SDK2: variants seen among roughly 807,000 people sequenced by gnomAD.
SDK2 encodes the protein sidekick cell adhesion molecule 2, also known as protein sidekick-2.
In SDK2, 105 loss-of-function variants were observed where a neutral mutation model predicts 253.9. That is an observed-to-expected ratio of 0.41 (90% CI 0.35 to 0.49). The LOEUF (loss-of-function observed/expected upper bound fraction) is 0.49. Among genes scored for constraint, SDK2 ranks in the 20% least tolerant of loss-of-function variants. The pLI, the probability that SDK2 is intolerant of heterozygous loss-of-function variation, is 0.06. For missense variants in SDK2, 2,608 were observed against 3,003.0 expected, an observed-to-expected ratio of 0.87 and a Z score of 3.07; for synonymous variants, 1,249 against 1,234.9, an observed-to-expected ratio of 1.01 and a Z score of -0.24.
At chr17:73,562,331 T>A (rs1010182815) in intron 1 of SDK2, among the ~76,000 whole-genome samples, 1 of 152,236 alleles carries the variant, frequency 6.6e-6, no homozygotes, top group Admixed American at 6.5e-5. Context: ...ATTTGCATTT[T>A]AAAAATATTA....
At position 73,398,047 on chromosome 17, in the gene SDK2, C is replaced by G. The variant is rs776711911; in HGVS notation, c.3342G>C (p.Trp1114Cys). The G allele has an allele frequency of 2.0e-5, 33 of 1,612,084 alleles. No homozygotes were observed. Among genetic ancestry groups the G allele is most frequent in the Middle Eastern group, 3.3e-4 (2 of 6,080 alleles). The change falls in exon 24 of 45, where the codon TGG becomes TGC. Residue 1114 changes from tryptophan to cysteine, a missense_variant. This residue lies in a region of SDK2 where 1,505 missense variants were observed against 1,859.1 expected (regional missense o/e 0.81). Coordinates refer to ENST00000392650, the MANE Select transcript of SDK2 (RefSeq NM_001144952.2). ...SLRTASETSLWLRWMPLPEME... is the reference protein window; with the variant it reads ...SLRTASETSLCLRWMPLPEME... ...GAGGGAGCCTTACCATCCAGCGCAG[C>G]CACAGGCTGGTCTCACTGGCTGTGC...
At chr17:73,434,704 C>A (rs1160440765) in intron 9 of SDK2, among the ~76,000 whole-genome samples, 1 of 152,196 alleles carries the variant, frequency 6.6e-6, no homozygotes, top group Non-Finnish European at 1.5e-5. Flanking sequence ...GCAGTGGCGC[C>A]ATCTTGGCCT....
At chr17:73,535,957 CCT>C (rs1022313536) in intron 1 of SDK2, among the ~76,000 whole-genome samples, 1 of 152,146 alleles carries the variant, frequency 6.6e-6, no homozygotes, top group African/African-American at 2.4e-5. Context: ...CTTCCTAATT[CCT>C]CTGTTTCCTC....
intron 13 of SDK2, 127 bp from the exon 14 acceptor site, chr17:73,423,649 C>CCGAAGGCCACATT: frequency 8.6e-7 from 1 of 1,168,600 alleles, no homozygotes; most frequent in Non-Finnish European, 1.1e-6. Context: ...AAAATGTGGC[C>CCGAAGGCCACATT]TTCGGGCCAT....
At chr17:73,588,492 T>A (rs1210051026) in intron 1 of SDK2, among the ~76,000 whole-genome samples, 2 of 151,964 alleles carry the variant, frequency 1.3e-5, no homozygotes, top group Non-Finnish European at 2.9e-5. Flanking sequence ...AGTTTGTGAC[T>A]GAGCAAGTAT....
At chr17:73,510,523 A>T (rs562669105) in intron 1 of SDK2, among the ~76,000 whole-genome samples, 1 of 151,748 alleles carries the variant, frequency 6.6e-6, no homozygotes, top group South Asian at 2.1e-4. Context: ...TTTTGGAGAC[A>T]GGGTCTCGGT....
intron 44 of SDK2, among the ~76,000 whole-genome samples, chr17:73,344,697 A>C (rs2062467689): frequency 6.6e-6 from 1 of 152,204 alleles, no homozygotes; most frequent in Admixed American, 6.5e-5. Flanking sequence ...CTTGTTTGGC[A>C]CAACTTTGGG....
chr17:73,416,087 TC>T, intron 16 of SDK2, 95 bp from the exon 17 acceptor site: 2 of 1,187,950 alleles, frequency 1.7e-6, no homozygotes, highest in Middle Eastern at 2.7e-4. Flanking sequence ...CAATAGGACT[TC>T]CGGTGGTGGC....
rs780669050 is a variant in SDK2 at position 73,402,144 on chromosome 17, G to T, written c.2485-3C>A. On this transcript the variant is annotated splice_polypyrimidine_tract_variant and splice_region_variant and intron_variant, in intron 18 of 44. Transcript: ENST00000392650. ...TGTTCCGGCTCCCAGGCGATCAGCT[G>T]CGGAGAGGCGAGCAAGTCACACAGG... is the stretch of plus-strand genomic sequence containing the variant. The T allele has an allele frequency of 3.7e-6, 6 of 1,612,046 alleles. No homozygotes were observed. In the Admixed American group the frequency reaches 6.7e-5, roughly 18 times the overall value.
intron 1 of SDK2, among the ~76,000 whole-genome samples, chr17:73,525,759 CT>C (rs2064120843): frequency 6.6e-6 from 1 of 152,134 alleles, no homozygotes; most frequent in South Asian, 2.1e-4. Context: ...AGGCTCCCCC[CT>C]ACCTTGCCCC....
chr17:73,403,905 A>C (rs1178246298), intron 18 of SDK2, among the ~76,000 whole-genome samples: 2 of 150,156 alleles, frequency 1.3e-5, no homozygotes, highest in African/African-American at 2.4e-5. Context: ...TTAATGTTTT[A>C]ATTTAATTTA....
chr17:73,491,311 C>T (rs1026989305), intron 2 of SDK2, among the ~76,000 whole-genome samples: 2 of 151,992 alleles, frequency 1.3e-5, no homozygotes, highest in Admixed American at 6.6e-5. Flanking sequence ...GAAGCTATGA[C>T]CCTGGCTGCT....
rs549279671 is a variant in SDK2 at position 73,537,129 on chromosome 17, G to A, written c.65-29532C>T. Among the ~76,000 whole-genome samples the A allele has an allele frequency of 2.3e-4, 35 of 152,228 alleles. No individual in the cohort carries two copies. In the South Asian group the frequency reaches 6.4e-3, roughly 28 times the overall value. ...TGTGCGTGCGTGCGTGTGCGGGCGCGCATCATGTGTGACTGGGCGCTCAGT... is the reference window on the plus strand; with the variant it reads ...TGTGCGTGCGTGCGTGTGCGGGCGCACATCATGTGTGACTGGGCGCTCAGT... On this transcript the variant is annotated intron_variant, in intron 1 of 44. Transcript: ENST00000392650.
intron 1 of SDK2, among the ~76,000 whole-genome samples, chr17:73,524,290 CT>C (rs774504485): frequency 9.2e-5 from 14 of 152,196 alleles, no homozygotes; most frequent in Non-Finnish European, 2.1e-4. Flanking sequence ...TTGATAGGTC[CT>C]TTCCAACCCC....
chr17:73,343,755 T>G (rs975079569), intron 44 of SDK2, among the ~76,000 whole-genome samples: 2 of 152,234 alleles, frequency 1.3e-5, no homozygotes, highest in African/African-American at 2.4e-5. Context: ...TTTGCTTTTT[T>G]GTTCATCTCC....
chr17:73,572,760 T>C (rs2045404708), intron 1 of SDK2, among the ~76,000 whole-genome samples: 1 of 152,170 alleles, frequency 6.6e-6, no homozygotes, highest in East Asian at 1.9e-4. Context: ...CATCAACATC[T>C]TCCTATCATT....
intron 33 of SDK2, 111 bp from the exon 34 acceptor site, chr17:73,381,061 G>A (rs921715485): frequency 1.7e-4 from 119 of 681,280 alleles, no homozygotes; most frequent in African/African-American, 7.1e-5. Context: ...CGGGGCTGAC[G>A]GCGTGAACAG....
At chr17:73,523,412 A>T (rs1261773952) in intron 1 of SDK2, among the ~76,000 whole-genome samples, 1 of 151,884 alleles carries the variant, frequency 6.6e-6, no homozygotes, top group African/African-American at 2.4e-5. Context: ...TTGTGATCTT[A>T]TTTATTATAG....
At chr17:73,633,082 A>T (rs1286540438) in intron 1 of SDK2, among the ~76,000 whole-genome samples, 5 of 152,024 alleles carry the variant, frequency 3.3e-5, no homozygotes, top group Non-Finnish European at 7.3e-5. Flanking sequence ...AAGGAATTCA[A>T]GATTAGACTA....
Sources: gnomAD v4.1 joint callset for allele counts (sites outside exome capture counted in the v4.1 genomes callset) on GRCh38, gnomAD v4.1.1 for gene constraint, gnomAD v4.1.1 regional missense constraint, MANE v1.5 for transcripts, NCBI Gene and HGNC (gene_info 2026-07-23, HGNC 2026-07-21) for gene names.